Variants in PHTF1 observed in about 807,000 individuals in gnomAD.
The protein encoded by PHTF1 is putative homeodomain transcription factor 1, also known as protein PHTF1.
In PHTF1, 88 loss-of-function variants were observed where a neutral mutation model predicts 102.4. The ratio of observed to expected loss-of-function variants is 0.86; its 90% CI spans 0.72 to 1.03. The LOEUF (loss-of-function observed/expected upper bound fraction) is 1.03. Ranked by LOEUF, PHTF1 falls within the 50% of genes least tolerant of loss-of-function variation. The pLI, the probability that PHTF1 is intolerant of heterozygous loss-of-function variation, is 0.00. For missense variants in PHTF1, 814 were observed against 909.5 expected, an observed-to-expected ratio of 0.89 and a Z score of 1.35; for synonymous variants, 289 against 305.2, an observed-to-expected ratio of 0.95 and a Z score of 0.55.
At position 113,704,734 on chromosome 1, in the gene PHTF1, T is replaced by G; in HGVS notation, c.1735A>C (p.Ile579Leu). 6.3e-7 allele frequency: 1 copy of G among 1,585,712 alleles called. No homozygotes were observed. Among genetic ancestry groups the G allele is most frequent in the South Asian group, 1.1e-5 (1 of 90,316 alleles). ...ACCTTCTTAAGTCTGAAATGAGGTA[T>G]TTCATATTTCCTAGCTTTCCTGGCA... ...TSARKARKYEIPHFRLKKVEN... is the reference protein window; with the variant it reads ...TSARKARKYELPHFRLKKVEN... Residue 579 changes from isoleucine to leucine, a missense_variant, in exon 14 of 19, where the codon ATA (isoleucine) becomes CTA (leucine). Transcript: ENST00000369604.
intron 5 of PHTF1, among the ~76,000 whole-genome samples, chr1:113,731,647 A>G (rs1046427897): frequency 2.0e-5 from 3 of 152,096 alleles, no homozygotes; most frequent in Non-Finnish European, 2.9e-5. Flanking sequence ...TAATCCCAGC[A>G]CTTTGGGAGG....
chr1:113,734,384 A>G (rs2101563341), intron 5 of PHTF1, among the ~76,000 whole-genome samples: 1 of 152,380 alleles, frequency 6.6e-6, no homozygotes, highest in Non-Finnish European at 1.5e-5. Flanking sequence ...AATATGAGGT[A>G]AAGTCCATTC....
At chr1:113,708,794 A>G (rs539694105) in intron 11 of PHTF1, among the ~76,000 whole-genome samples, 1 of 152,328 alleles carries the variant, frequency 6.6e-6, no homozygotes, top group East Asian at 1.9e-4. Context: ...TTATTCTTAT[A>G]TATGTCTTAA....
chr1:113,706,130 C>T lies in PHTF1; in HGVS notation c.1431G>A (p.Gln477=). ...VNAYQQGVGY[Q]MLGNVVTIGL... ...CAATAGTGACAACATTTCCCAGCAT[C>T]TGATAACCTACTCCTTGCTGATAGG... Residue 477 remains glutamine (Q), a synonymous_variant, in exon 13 of 19, where the codon CAG becomes CAA. Transcript: ENST00000369604. 1 of 1,613,722 alleles carries T rather than the reference C, an allele frequency of 6.2e-7. No homozygotes were observed. The highest frequency in any genetic ancestry group is 1.1e-5 in the South Asian group (1 of 90,972).
At chr1:113,752,883 G>A (rs1658304936) in intron 3 of PHTF1, among the ~76,000 whole-genome samples, 1 of 152,132 alleles carries the variant, frequency 6.6e-6, no homozygotes, top group African/African-American at 2.4e-5. Flanking sequence ...CCTGATTTTA[G>A]GGGAAAACAT....
chr1:113,747,677 A>G (rs75299025), intron 3 of PHTF1, among the ~76,000 whole-genome samples: 4 of 152,328 alleles, frequency 2.6e-5, no homozygotes, highest in African/African-American at 9.6e-5. Context: ...TCTAAGTTCA[A>G]AATATATCAG....
rs1053177308 is a variant in PHTF1 at position 113,700,783 on chromosome 1, C to T, written c.2046+11G>A. The T allele has an allele frequency of 6.2e-7, 1 of 1,612,446 alleles. No homozygotes were observed. The highest frequency in any genetic ancestry group is 1.3e-5 in the African/African-American group (1 of 74,860). On this transcript the variant is annotated intron_variant, in intron 16 of 18. Transcript: ENST00000369604. Reference sequence around the variant, plus strand: ...TAACCACTAAACCCAATTGACAGGACTGATCAATACCTGTTCTGTAAGTAA... The same window carrying T: ...TAACCACTAAACCCAATTGACAGGATTGATCAATACCTGTTCTGTAAGTAA...
At position 113,710,362 on chromosome 1, in the gene PHTF1, T is replaced by C. The variant is rs200826353; in HGVS notation, c.1161A>G (p.Leu387=). 1.4e-5 allele frequency: 23 copies of C among 1,614,058 alleles called. No individual in the cohort carries two copies. The highest frequency in any genetic ancestry group is 5.5e-5 in the South Asian group (5 of 91,086). The change falls in exon 11 of 19, where the codon CTA becomes CTG. Residue 387 remains leucine (L), a synonymous_variant. Coordinates refer to ENST00000369604, the MANE Select transcript of PHTF1 (RefSeq NM_001323043.2). ...CAGATGACCGGCACTCTGGGCCATG[T>C]AGCAGGTCGTCCCATAACATGTCCT... ...ETEDMLWDDL[L]HGPECRSSVT...
At chr1:113,724,438 G>A (rs1047688141) in intron 7 of PHTF1, among the ~76,000 whole-genome samples, 1 of 151,788 alleles carries the variant, frequency 6.6e-6, no homozygotes. Context: ...ATTCTCAGAA[G>A]GCTGAGGCAG....
chr1:113,726,351 G>T (rs371256978), intron 6 of PHTF1, 67 bp downstream of exon 6: 2 of 1,191,562 alleles, frequency 1.7e-6, no homozygotes, highest in African/African-American at 3.2e-5. Context: ...ATTAATCAAA[G>T]GTTTTATAAA....
chr1:113,704,808 T>C lies in PHTF1; in HGVS notation c.1672-11A>G. Reference sequence around the variant, plus strand: ...TGCAAATAAAAATCTCTAGAAGAGATTTAAAAAAAATCACAGTGAAATGTA... The same window carrying C: ...TGCAAATAAAAATCTCTAGAAGAGACTTAAAAAAAATCACAGTGAAATGTA... On this transcript the variant is annotated splice_polypyrimidine_tract_variant and intron_variant, in intron 13 of 18. Coordinates refer to ENST00000369604, the MANE Select transcript of PHTF1 (RefSeq NM_001323043.2). 8.3e-6 allele frequency: 13 copies of C among 1,559,218 alleles called. No individual in the cohort carries two copies. The highest frequency in any genetic ancestry group is 1.1e-5 in the Non-Finnish European group (13 of 1,143,880).
intron 16 of PHTF1, chr1:113,700,018 G>A: frequency 1.0e-6 from 1 of 1,000,254 alleles, no homozygotes; most frequent in Non-Finnish European, 1.3e-6. Context: ...AATTAATGAT[G>A]AAGCAATTTA....
intron 7 of PHTF1, among the ~76,000 whole-genome samples, chr1:113,716,837 A>C (rs1463572884): frequency 6.6e-6 from 1 of 152,224 alleles, no homozygotes; most frequent in East Asian, 1.9e-4. Flanking sequence ...ATTGAAAGAA[A>C]TGACATTAAT....
rs1259720270 is a variant in PHTF1, at chr1:113,697,090, C to G, written c.*615G>C. 6.6e-6 allele frequency: 1 copy of G among 152,396 alleles called. No individual in the cohort carries two copies. Among genetic ancestry groups the G allele is most frequent in the African/African-American group, 2.4e-5 (1 of 41,444 alleles). 9.4% of individuals were successfully genotyped at this position (152,396 alleles called of 1,614,324 possible). ...CATGCATCGTTTGCCAACAACTATA[C>G]AGTTATTAACCCAAAATCGTAAACG... On this transcript the variant is annotated 3_prime_UTR_variant, in exon 19 of 19. Transcript: ENST00000369604.
At chr1:113,734,489 T>C (rs1456873093) in intron 5 of PHTF1, among the ~76,000 whole-genome samples, 1 of 152,224 alleles carries the variant, frequency 6.6e-6, no homozygotes, top group African/African-American at 2.4e-5. Context: ...CTTGTTGAAC[T>C]GTATTTGTGG....
intron 17 of PHTF1, among the ~76,000 whole-genome samples, chr1:113,698,620 TACACAC>T (rs56167437): frequency 3.7e-3 from 182 of 49,750 alleles, no homozygotes; most frequent in African/African-American, 6.0e-3. Context: ...TATATATATA[TACACAC>T]ACACACACAC....
intron 11 of PHTF1, among the ~76,000 whole-genome samples, chr1:113,709,434 A>C (rs966308977): frequency 6.6e-6 from 1 of 152,204 alleles, no homozygotes; most frequent in Non-Finnish European, 1.5e-5. Context: ...TATTTAGCCT[A>C]AAGAACAAAA....
intron 2 of PHTF1, among the ~76,000 whole-genome samples, 173 bp downstream of exon 2, chr1:113,758,486 G>T (rs953000541): frequency 1.5e-4 from 22 of 149,448 alleles, no homozygotes; most frequent in African/African-American, 4.7e-4. Flanking sequence ...CTGGAACCGG[G>T]TTTAAAAGAC....
chr1:113,710,866 C>T lies in PHTF1; in HGVS notation c.1048-391G>A, dbSNP rs749120550. ...TCATTTTGTTGCCCAGGCTGGTCTCCGACTCCTGGTCTCAAGCTATCCAAC... is the reference window on the plus strand; with the variant it reads ...TCATTTTGTTGCCCAGGCTGGTCTCTGACTCCTGGTCTCAAGCTATCCAAC... On this transcript the variant is annotated intron_variant, in intron 10 of 18. Coordinates refer to ENST00000369604, the MANE Select transcript of PHTF1 (RefSeq NM_001323043.2). 3.2e-4 allele frequency among the ~76,000 whole-genome samples: 48 copies of T among 148,630 alleles called. No individual in the cohort carries two copies. In the Middle Eastern group the frequency reaches 0.014, roughly 45 times the overall value.
Sources: gnomAD v4.1 joint callset for allele counts (sites outside exome capture counted in the v4.1 genomes callset) on GRCh38, gnomAD v4.1.1 for gene constraint, MANE v1.5 for transcripts, NCBI Gene and HGNC (gene_info 2026-07-23, HGNC 2026-07-21) for gene names.